The following LIPA variants were observed in gnomAD, a reference collection of about 807,000 sequenced individuals.
LIPA encodes lipase A, lysosomal acid type.
Under a neutral mutation model 40.6 loss-of-function variants are expected in LIPA, and 26 were observed. That is an observed-to-expected ratio of 0.64 (90% CI 0.47 to 0.89). The LOEUF (loss-of-function observed/expected upper bound fraction) is 0.89. LIPA is among the 40% of genes least tolerant of loss of function. LIPA has a pLI of 0.00. For missense variants in LIPA, 455 were observed against 479.6 expected (o/e 0.95, Z 0.48); for synonymous variants, 188 against 168.4 (o/e 1.12, Z -0.90).
At chr10:89,261,926 C>T (rs1050654684) in intron 1 of LIPA, among the ~76,000 whole-genome samples, 2 of 152,186 alleles carry the variant, frequency 1.3e-5, no homozygotes, top group African/African-American at 4.8e-5. Context: ...ATTCCAATCT[C>T]GCTTTTCAAT....
At chr10:89,352,875 A>G (rs2133587567) in intron 2 of LIPA, among the ~76,000 whole-genome samples, 1 of 152,192 alleles carries the variant, frequency 6.6e-6, no homozygotes, top group Non-Finnish European at 1.5e-5. Flanking sequence ...TCTTTACCCT[A>G]AAAACAGTTC....
intron 1 of LIPA, chr10:89,278,030 G>A (rs751206723): frequency 4.6e-5 from 7 of 151,948 alleles, no homozygotes; most frequent in Non-Finnish European, 8.8e-5. Flanking sequence ...ATACAATCCT[G>A]CCTTTTTTCT....
chr10:89,390,182 C>T (rs986355620), intron 2 of LIPA, among the ~76,000 whole-genome samples: 1 of 151,960 alleles, frequency 6.6e-6, no homozygotes, highest in African/African-American at 2.4e-5. Context: ...GACGGGGTTT[C>T]TCCATGTTAG....
rs1395067188 is a variant in LIPA, at chr10:89,340,392, A to G, written c.-2+2219T>C. The G allele has an allele frequency of 2.9e-5, 7 of 241,376 alleles. No individual in the cohort carries two copies. The Admixed American group carries it at 3.0e-4, about 10-fold the overall frequency. The allele number at this position is 241,376 out of a possible 1,614,324, so 15.0% of individuals were successfully genotyped here. On this transcript the variant is annotated intron_variant, in intron 1 of 5. Transcript: ENST00000282673. ...GCTAACACAGTGAAATCCCGTCTCT[A>G]CTAAAAATACAAAAAATTAGCCAGG...
At chr10:89,285,491 G>A (rs1843336861) in intron 1 of LIPA, among the ~76,000 whole-genome samples, 1 of 152,178 alleles carries the variant, frequency 6.6e-6, no homozygotes, top group African/African-American at 2.4e-5. Flanking sequence ...TCACTGCAGA[G>A]ATGCCTGCCT....
intron 3 of LIPA, among the ~76,000 whole-genome samples, chr10:89,241,631 C>CT (rs1320748016): frequency 2.6e-5 from 4 of 152,160 alleles, no homozygotes; most frequent in East Asian, 1.9e-4. Context: ...AGCTATGACT[C>CT]TAATAGCTCA....
At chr10:89,299,326 G>C (rs1219516246) in intron 1 of LIPA, among the ~76,000 whole-genome samples, 2 of 151,960 alleles carry the variant, frequency 1.3e-5, no homozygotes, top group Non-Finnish European at 2.9e-5. Context: ...GAATTAAAAA[G>C]TATGAACAAA....
intron 1 of LIPA, among the ~76,000 whole-genome samples, chr10:89,294,988 A>G (rs2133511758): frequency 6.6e-6 from 1 of 150,974 alleles, no homozygotes; most frequent in East Asian, 2.0e-4. Flanking sequence ...AAAAGAAAAA[A>G]GAAAAAAAGG....
At chr10:89,247,795 C>T in intron 1 of LIPA, 146 bp from the exon 2 acceptor site, 1 of 525,306 alleles carries the variant, frequency 1.9e-6, no homozygotes, top group Non-Finnish European at 3.4e-6. Context: ...TGACTCCAGC[C>T]ATATCTGAAA....
chr10:89,412,630 A>T, intron 2 of LIPA: 1 of 267,556 alleles, frequency 3.7e-6, no homozygotes, highest in South Asian at 2.9e-5. Context: ...ATGAGCTGTA[A>T]CACTCACCAC....
Position 89,302,701 on chromosome 10 carries a change from A to G in LIPA, c.-2+39910T>C, listed in dbSNP as rs994752609. Among the ~76,000 whole-genome samples, 24 of 152,240 alleles carry G rather than the reference A, an allele frequency of 1.6e-4. 1 individual carries two copies. The highest frequency in any genetic ancestry group is 2.9e-5 in the Non-Finnish European group (2 of 68,040). ...CCAAAATGCCTCCTGAGTATGAATT[A>G]GAGATGGAGTGCTTGGAGAAAATAG... On this transcript the variant is annotated intron_variant, in intron 1 of 5. Transcript: ENST00000282673.
chr10:89,403,771 C>T, intron 2 of LIPA: 5 of 898,276 alleles, frequency 5.6e-6, no homozygotes, highest in Non-Finnish European at 8.6e-6. Context: ...ATTTACTAAT[C>T]ATCTTTTCTG....
rs1327669151 is a variant in LIPA, at chr10:89,373,891, C to A, written c.61+38900G>T. 3.3e-5 allele frequency among the ~76,000 whole-genome samples: 5 copies of A among 152,116 alleles called. No homozygotes were observed. In the East Asian group the frequency reaches 5.8e-4, roughly 18 times the overall value. ...AGGATGCCACTGTAACAGACCATATCCTGAGTAGCAAAAATCTAGTCTAGT... is the reference window on the plus strand; with the variant it reads ...AGGATGCCACTGTAACAGACCATATACTGAGTAGCAAAAATCTAGTCTAGT... On this transcript the variant is annotated intron_variant, in intron 2 of 8. Transcript: ENST00000371837.
intron 5 of LIPA, among the ~76,000 whole-genome samples, chr10:89,226,143 AT>A (rs1204382253): frequency 1.3e-5 from 2 of 152,238 alleles, no homozygotes; most frequent in Admixed American, 6.5e-5. Context: ...CAGGCAAGTC[AT>A]GAAAGAAGAA....
chr10:89,328,131 G>A, intron 1 of LIPA: 1 of 1,578,232 alleles, frequency 6.3e-7, no homozygotes, highest in Non-Finnish European at 8.7e-7. Context: ...CAAATTGTAA[G>A]TTGAGTTTCT....
intron 3 of LIPA, among the ~76,000 whole-genome samples, chr10:89,237,264 G>T (rs1349281700): frequency 6.6e-6 from 1 of 152,104 alleles, no homozygotes; most frequent in Non-Finnish European, 1.5e-5. Flanking sequence ...TGGTGACAGA[G>T]CAAGATGCTG....
intron 2 of LIPA, chr10:89,384,562 A>G (rs745407225): frequency 6.2e-7 from 1 of 1,614,216 alleles, no homozygotes; most frequent in Admixed American, 1.7e-5. Flanking sequence ...TTCCAGGGAA[A>G]AACTTCTCAA....
At chr10:89,387,082 C>T (rs1589629548) in intron 2 of LIPA, among the ~76,000 whole-genome samples, 1 of 151,808 alleles carries the variant, frequency 6.6e-6, no homozygotes, top group East Asian at 1.9e-4. Flanking sequence ...TTTGGGAGGC[C>T]GAGGTGGGCA....
intron 3 of LIPA, among the ~76,000 whole-genome samples, chr10:89,236,523 T>C (rs1332319882): frequency 6.6e-6 from 1 of 152,214 alleles, no homozygotes; most frequent in African/African-American, 2.4e-5. Flanking sequence ...CTAATAGTGA[T>C]CTGGGAGTGC....
Sources: gnomAD v4.1 joint callset for allele counts (sites outside exome capture counted in the v4.1 genomes callset) on GRCh38, gnomAD v4.1.1 for gene constraint, MANE v1.5 for transcripts, NCBI Gene and HGNC (gene_info 2026-07-23, HGNC 2026-07-21) for gene names.